The following FER1L6 variants were observed in gnomAD, a reference collection of about 807,000 sequenced individuals.
FER1L6 encodes the protein fer-1-like protein 6.
A neutral mutation model predicts 219.2 loss-of-function variants in FER1L6; 177 were observed. The observed-to-expected ratio is 0.81, with a 90% CI of 0.71 to 0.91. The LOEUF is 0.91. FER1L6 is among the 40% of genes least tolerant of loss of function. The pLI, the probability that FER1L6 is intolerant of heterozygous loss-of-function variation, is 0.00. For synonymous variants in FER1L6, 768 were observed against 824.3 expected (o/e 0.93, Z 1.17); for missense variants, 2,153 against 2,259.9 (o/e 0.95, Z 0.96).
intron 32 of FER1L6, among the ~76,000 whole-genome samples, chr8:124,080,979 C>T (rs992533391): frequency 2.0e-5 from 3 of 152,194 alleles, no homozygotes; most frequent in Non-Finnish European, 4.4e-5. Context: ...AGCTGTCCAG[C>T]GTCTCTGCTT....
intron 1 of FER1L6, among the ~76,000 whole-genome samples, chr8:123,882,732 A>G (rs1817130220): frequency 6.6e-6 from 1 of 152,246 alleles, no homozygotes; most frequent in Admixed American, 6.5e-5. Flanking sequence ...CCTTTCTAAA[A>G]GAACGTTATG....
At chr8:123,962,452 T>C (rs1265222305) in intron 2 of FER1L6, among the ~76,000 whole-genome samples, 1 of 152,162 alleles carries the variant, frequency 6.6e-6, no homozygotes, top group Non-Finnish European at 1.5e-5. Context: ...GTCATGACTT[T>C]AGGTCCTGTT....
chr8:123,972,221 A>G (rs1815853664), intron 6 of FER1L6, among the ~76,000 whole-genome samples: 5 of 152,218 alleles, frequency 3.3e-5, no homozygotes, highest in African/African-American at 1.2e-4. Flanking sequence ...GAGAGTGGAA[A>G]GAGAAATGAG....
At chr8:124,042,645 T>A (rs1403259507) in intron 20 of FER1L6, among the ~76,000 whole-genome samples, 1 of 152,134 alleles carries the variant, frequency 6.6e-6, no homozygotes, top group Non-Finnish European at 1.5e-5. Flanking sequence ...TGTCTGCAGG[T>A]GACATGCCCC....
chr8:123,903,410 G>A (rs1812893890), intron 1 of FER1L6, among the ~76,000 whole-genome samples: 1 of 152,188 alleles, frequency 6.6e-6, no homozygotes, highest in South Asian at 2.1e-4. Context: ...TTCTCAAACA[G>A]TTGTTGGCTG....
At chr8:123,933,020 G>A (rs1813836483) in intron 1 of FER1L6, among the ~76,000 whole-genome samples, 1 of 152,200 alleles carries the variant, frequency 6.6e-6, no homozygotes, top group African/African-American at 2.4e-5. Flanking sequence ...ACCTCTGTGA[G>A]CCCCAGGTTT....
intron 12 of FER1L6, among the ~76,000 whole-genome samples, chr8:123,991,171 T>G (rs1373792107): frequency 6.6e-6 from 1 of 152,212 alleles, no homozygotes; most frequent in Non-Finnish European, 1.5e-5. Context: ...TCTTTTTGCT[T>G]AGGATTGCTT....
At chr8:123,923,151 C>T (rs896214833) in intron 1 of FER1L6, among the ~76,000 whole-genome samples, 1 of 152,222 alleles carries the variant, frequency 6.6e-6, no homozygotes, top group Non-Finnish European at 1.5e-5. Context: ...GTGTTTTGCA[C>T]CAACTCCTCC....
chr8:123,964,694 A>G (rs1176859472), intron 3 of FER1L6, among the ~76,000 whole-genome samples: 1 of 152,202 alleles, frequency 6.6e-6, no homozygotes, highest in Non-Finnish European at 1.5e-5. Context: ...GAAGGAAGGA[A>G]TAACAGCCTT....
chr8:124,061,346 T>C (rs900310909), intron 24 of FER1L6, among the ~76,000 whole-genome samples: 2 of 152,118 alleles, frequency 1.3e-5, no homozygotes, highest in Admixed American at 6.5e-5. Context: ...CCACTGGACA[T>C]ATATCCCCAG....
At chr8:124,070,086 C>T (rs1201527493) in intron 29 of FER1L6, among the ~76,000 whole-genome samples, 5 of 152,200 alleles carry the variant, frequency 3.3e-5, no homozygotes, top group East Asian at 3.9e-4. Flanking sequence ...AATATTCCAT[C>T]GCCTTATATG....
intron 20 of FER1L6, among the ~76,000 whole-genome samples, chr8:124,044,210 GTTCT>G (rs1436027497): frequency 1.3e-4 from 20 of 152,196 alleles, no homozygotes; most frequent in Admixed American, 1.2e-3. Flanking sequence ...TAAAAACACG[GTTCT>G]TTGTGATGTC....
intron 1 of FER1L6, among the ~76,000 whole-genome samples, chr8:123,862,373 C>T (rs1309093220): frequency 3.1e-5 from 4 of 130,284 alleles, no homozygotes; most frequent in South Asian, 2.6e-4. Flanking sequence ...CTGCTGGATT[C>T]GGTTTGCCAG....
intron 1 of FER1L6, among the ~76,000 whole-genome samples, chr8:123,858,246 T>C (rs1816683232): frequency 6.6e-6 from 1 of 152,232 alleles, no homozygotes. Flanking sequence ...TAGACAGTTC[T>C]GGAGATGGCG....
At chr8:123,961,880 C>CTT (rs1295109025) in intron 2 of FER1L6, among the ~76,000 whole-genome samples, 168 of 129,146 alleles carry the variant, frequency 1.3e-3, no homozygotes, top group African/African-American at 3.4e-3. Context: ...TGTTTGTTTT[C>CTT]TTTTTTTTTT....
Position 123,980,697 on chromosome 8 carries a change from A to T in FER1L6, c.1296A>T (p.Lys432Asn), listed in dbSNP as rs1816283489. Reference protein sequence around the residue: ...LKLPSKDKDSKSSKGKDKADK... With the variant: ...LKLPSKDKDSNSSKGKDKADK... ...TGCCTTCCAAGGACAAAGACTCCAA[A>T]TCTTCCAAAGGTAAAGACAAGGCTG... is the stretch of plus-strand genomic sequence containing the variant. Residue 432 changes from lysine to asparagine, a missense_variant, in exon 11 of 41, where the codon AAA becomes AAT. By Grantham distance (94) the Lys-to-Asn change is moderately conservative (BLOSUM62 0). Transcript: ENST00000522917. The T allele has an allele frequency of 1.2e-6, 2 of 1,614,046 alleles. No homozygotes were observed. The highest frequency in any genetic ancestry group is 3.3e-5 in the Admixed American group (2 of 59,990).
chr8:123,927,299 G>A (rs541340449), intron 1 of FER1L6, among the ~76,000 whole-genome samples: 7 of 152,080 alleles, frequency 4.6e-5, no homozygotes, highest in South Asian at 2.1e-4. Flanking sequence ...TGGCTGAAGC[G>A]ATTCAGCAAG....
chr8:123,970,501 C>T (rs1815756796), intron 6 of FER1L6, among the ~76,000 whole-genome samples: 1 of 152,032 alleles, frequency 6.6e-6, no homozygotes, highest in Non-Finnish European at 1.5e-5. Context: ...AATCACATCT[C>T]CTCCTCCTAG....
At position 124,003,267 on chromosome 8, in the gene FER1L6, A is replaced by G. The variant is rs368192512; in HGVS notation, c.1620A>G (p.Gln540=). The stretch of plus-strand genomic sequence containing the variant: ...TCCTTCCACTGCTTCACGAAGGGCA[A>G]GGGGATGTGGCCCATGATGTTCCCA... The part of the protein sequence containing the change: ...EDLLPLLHEG[Q]GDVAHDVPIP... Residue 540 remains glutamine, a synonymous_variant, in exon 13 of 41, where the codon CAA becomes CAG. Coordinates refer to ENST00000522917, the MANE Select transcript of FER1L6 (RefSeq NM_001039112.2). 1.7e-4 allele frequency: 276 copies of G among 1,613,976 alleles called. No individual in the cohort carries two copies. Among genetic ancestry groups the G allele is most frequent in the Non-Finnish European group, 1.6e-4 (183 of 1,180,022 alleles).
Sources: gnomAD v4.1 joint callset for allele counts (sites outside exome capture counted in the v4.1 genomes callset) on GRCh38, gnomAD v4.1.1 for gene constraint, MANE v1.5 for transcripts, NCBI Gene and HGNC (gene_info 2026-07-23, HGNC 2026-07-21) for gene names.